BICD1: variants seen among roughly 807,000 people sequenced by gnomAD.
The protein encoded by BICD1 is BICD cargo adaptor 1.
Under a neutral mutation model 92.5 loss-of-function variants are expected in BICD1, and 35 were observed. The observed-to-expected ratio is 0.38, with a 90% CI of 0.29 to 0.50. BICD1 has a LOEUF of 0.50. Among genes scored for constraint, BICD1 ranks in the 20% least tolerant of loss-of-function variants. The pLI, the probability that BICD1 is intolerant of heterozygous loss-of-function variation, is 0.93. For synonymous variants in BICD1, 429 were observed against 465.1 expected, an observed-to-expected ratio of 0.92 and a Z score of 1.00; for missense variants, 950 against 1,189.8, an observed-to-expected ratio of 0.80 and a Z score of 2.97.
chr12:32,147,677 T>A (rs1452526612), intron 1 of BICD1, among the ~76,000 whole-genome samples: 1 of 152,204 alleles, frequency 6.6e-6, no homozygotes, highest in Non-Finnish European at 1.5e-5. Flanking sequence ...ATTTAGTTAA[T>A]GTGGGCAGTA....
chr12:32,140,421 G>C (rs906138962), intron 1 of BICD1, among the ~76,000 whole-genome samples: 1 of 152,164 alleles, frequency 6.6e-6, no homozygotes. Flanking sequence ...TATAAAAAAT[G>C]TAATATTTTA....
intron 1 of BICD1, among the ~76,000 whole-genome samples, chr12:32,202,669 G>A (rs978475017): frequency 6.6e-6 from 1 of 152,106 alleles, no homozygotes; most frequent in Non-Finnish European, 1.5e-5. Flanking sequence ...TGGGTACAGT[G>A]GTGTGATCTT....
intron 2 of BICD1, among the ~76,000 whole-genome samples, chr12:32,234,986 A>G (rs1292128280): frequency 6.6e-6 from 1 of 152,194 alleles, no homozygotes; most frequent in Non-Finnish European, 1.5e-5. Context: ...TTGCCAGCCT[A>G]AACATCTCGT....
intron 8 of BICD1, chr12:32,339,803 T>C (rs1938289823): frequency 1.0e-6 from 1 of 984,772 alleles, no homozygotes; most frequent in South Asian, 4.7e-5. Context: ...AAATAAAAAA[T>C]AAAACTATTT....
At chr12:32,321,288 T>C (rs1294688677) in intron 4 of BICD1, among the ~76,000 whole-genome samples, 1 of 152,142 alleles carries the variant, frequency 6.6e-6, no homozygotes. Flanking sequence ...ATCACACCAC[T>C]GCACTCCAGC....
rs538988268 is a variant in BICD1, at chr12:32,182,217, T to C, written c.214-34030T>C. 1.2e-4 allele frequency among the ~76,000 whole-genome samples: 18 copies of C among 151,668 alleles called. No individual in the cohort carries two copies. In the South Asian group the frequency reaches 3.5e-3, roughly 30 times the overall value. ...TGGGAAGCAGAAAAACCTGATTTCCTATGACACAGACCATTGCATTCTGTA... is the reference window on the plus strand; with the variant it reads ...TGGGAAGCAGAAAAACCTGATTTCCCATGACACAGACCATTGCATTCTGTA... On this transcript the variant is annotated intron_variant, in intron 1 of 9. Transcript: ENST00000652176.
rs149432144 is a variant in BICD1, at chr12:32,130,197, A to G, written c.213+22653A>G. 2.1e-3 allele frequency among the ~76,000 whole-genome samples: 307 copies of G among 148,790 alleles called. 3 individuals are homozygous for G. The highest frequency in any genetic ancestry group is 3.2e-3 in the Non-Finnish European group (218 of 67,564). Reference sequence around the variant, plus strand: ...ACAAAAATTTTAAATATGATAATATACAGTGACAAAATTTTTTTTTTTTTT... The same window carrying G: ...ACAAAAATTTTAAATATGATAATATGCAGTGACAAAATTTTTTTTTTTTTT... On this transcript the variant is annotated intron_variant, in intron 1 of 9. Coordinates refer to ENST00000652176, the MANE Select transcript of BICD1 (RefSeq NM_001714.4).
At chr12:32,336,191 G>A (rs11051945) in intron 6 of BICD1, among the ~76,000 whole-genome samples, 37,510 of 151,890 alleles carry the variant, frequency 0.25, 5,082 homozygotes, top group East Asian at 0.6. Context: ...GGCATGAACA[G>A]TATTTGTTAT....
chr12:32,346,935 TTTTA>T (rs1355337800), intron 8 of BICD1, among the ~76,000 whole-genome samples: 4 of 142,538 alleles, frequency 2.8e-5, no homozygotes, highest in African/African-American at 1.0e-4. Context: ...TGTATTTCGG[TTTTA>T]TTTCTTTTCT....
At position 32,172,451 on chromosome 12, in the gene BICD1, A is replaced by G. The variant is rs1943972997; in HGVS notation, c.214-43796A>G. Among the ~76,000 whole-genome samples, 3 of 152,210 alleles carry G rather than the reference A, an allele frequency of 2.0e-5. No homozygotes were observed. The South Asian group carries it at 6.2e-4, about 32-fold the overall frequency. The stretch of plus-strand genomic sequence containing the variant: ...TGATGGTGAAGAAAAAGCCCTCCAG[A>G]GAAAAGGTAGTAAGAGATCCAGAAT... On this transcript the variant is annotated intron_variant, in intron 1 of 9. Coordinates refer to ENST00000652176, the MANE Select transcript of BICD1 (RefSeq NM_001714.4).
At chr12:32,357,034 G>A (rs1255956096) in intron 8 of BICD1, among the ~76,000 whole-genome samples, 1 of 114,708 alleles carries the variant, frequency 8.7e-6, no homozygotes, top group African/African-American at 3.3e-5. Flanking sequence ...TTTTTTTGAT[G>A]GAGTTTCGCT....
intron 1 of BICD1, among the ~76,000 whole-genome samples, chr12:32,145,566 C>T (rs1943077619): frequency 6.6e-6 from 1 of 152,172 alleles, no homozygotes; most frequent in African/African-American, 2.4e-5. Flanking sequence ...TACTATTATA[C>T]ATGACAATAT....
chr12:32,145,800 T>G (rs1943083251), intron 1 of BICD1, among the ~76,000 whole-genome samples: 1 of 152,252 alleles, frequency 6.6e-6, no homozygotes, highest in Non-Finnish European at 1.5e-5. Flanking sequence ...ATTTTCTGTA[T>G]ATTTGTACAT....
intron 1 of BICD1, among the ~76,000 whole-genome samples, chr12:32,112,916 T>G (rs1941752188): frequency 6.6e-6 from 1 of 152,230 alleles, no homozygotes; most frequent in Admixed American, 6.5e-5. Flanking sequence ...AAGCCTCACC[T>G]CTAATTCATG....
intron 2 of BICD1, among the ~76,000 whole-genome samples, chr12:32,260,924 C>T (rs906372045): frequency 6.6e-6 from 1 of 152,196 alleles, no homozygotes; most frequent in Non-Finnish European, 1.5e-5. Context: ...GAATATCTGG[C>T]AGTTTCCCCG....
chr12:32,347,949 G>T (rs1307842565), intron 8 of BICD1, among the ~76,000 whole-genome samples: 3 of 152,148 alleles, frequency 2.0e-5, no homozygotes, highest in Admixed American at 6.5e-5. Context: ...GTCTTTCAAG[G>T]TTGATTATTT....
intron 8 of BICD1, chr12:32,340,628 A>G (rs1431025798): frequency 1.3e-5 from 8 of 625,284 alleles, no homozygotes; most frequent in Non-Finnish European, 1.6e-5. Context: ...TCATTTTTGT[A>G]TGACTGGTTT....
chr12:32,308,947 T>C (rs1439958583), intron 4 of BICD1, among the ~76,000 whole-genome samples: 3 of 152,184 alleles, frequency 2.0e-5, no homozygotes, highest in African/African-American at 7.2e-5. Context: ...AATCTCATAC[T>C]AACAACACTA....
chr12:32,226,587 C>T (rs1285482396), intron 2 of BICD1, among the ~76,000 whole-genome samples: 1 of 152,188 alleles, frequency 6.6e-6, no homozygotes, highest in Non-Finnish European at 1.5e-5. Flanking sequence ...AGGCATGAAG[C>T]TTAAAGGGAG....
Sources: gnomAD v4.1 joint callset for allele counts (sites outside exome capture counted in the v4.1 genomes callset) on GRCh38, gnomAD v4.1.1 for gene constraint, MANE v1.5 for transcripts, NCBI Gene and HGNC (gene_info 2026-07-23, HGNC 2026-07-21) for gene names.